Variants in GRM3 observed in about 807,000 individuals in gnomAD.
GRM3 encodes metabotropic glutamate receptor 3.
Under a neutral mutation model 70.5 loss-of-function variants are expected in GRM3, and 26 were observed. The ratio of observed to expected loss-of-function variants is 0.37; its 90% CI spans 0.27 to 0.51. The LOEUF (loss-of-function observed/expected upper bound fraction) is 0.51, where lower values mean the gene tolerates loss of function less well. Among genes scored for constraint, GRM3 ranks in the 20% least tolerant of loss-of-function variants. GRM3 has a pLI of 0.93. For missense variants in GRM3, 859 were observed against 1,123.8 expected (o/e 0.76, Z 3.37); for synonymous variants, 443 against 434.9 (o/e 1.02, Z -0.23).
At chr7:86,756,649 T>A (rs1260124264) in intron 1 of GRM3, among the ~76,000 whole-genome samples, 1 of 152,172 alleles carries the variant, frequency 6.6e-6, no homozygotes, top group East Asian at 1.9e-4. Flanking sequence ...TTACCTTTAC[T>A]TTAATCAATT....
chr7:86,838,610 C>T (rs1014385717), intron 3 of GRM3, among the ~76,000 whole-genome samples: 22 of 152,114 alleles, frequency 1.4e-4, no homozygotes, highest in African/African-American at 4.1e-4. Context: ...TGATTATCAC[C>T]GGTACTTGGC....
In GRM3 at chr7:86,734,402, G is replaced by T. The variant is rs1429903305; in HGVS notation, c.-140-30604G>T. ...AGTCCTGCTACTTATTAGCAATTCT[G>T]CCATTTGAAACTATAGGTTAAAATG... On this transcript the variant is annotated intron_variant, in intron 1 of 5. Transcript: ENST00000361669. 2.0e-5 allele frequency among the ~76,000 whole-genome samples: 3 copies of T among 152,114 alleles called. No homozygotes were observed. The East Asian group carries it at 5.8e-4, about 29-fold the overall frequency.
chr7:86,767,413 A>G (rs1235834988), intron 2 of GRM3, among the ~76,000 whole-genome samples: 4 of 150,898 alleles, frequency 2.7e-5, no homozygotes, highest in East Asian at 2.0e-4. Flanking sequence ...AATATTGCAC[A>G]TATGAAAGCA....
intron 1 of GRM3, among the ~76,000 whole-genome samples, chr7:86,709,458 C>A (rs1795142017): frequency 6.6e-6 from 1 of 152,092 alleles, no homozygotes; most frequent in African/African-American, 2.4e-5. Flanking sequence ...ATCTACCTAA[C>A]CAGGCTTCTC....
chr7:86,722,845 G>T (rs374423323), intron 1 of GRM3, among the ~76,000 whole-genome samples: 1 of 151,878 alleles, frequency 6.6e-6, no homozygotes, highest in Non-Finnish European at 1.5e-5. Flanking sequence ...CCATCTATTC[G>T]GTCCTTTATT....
At chr7:86,824,960 C>T (rs1798202009) in intron 3 of GRM3, among the ~76,000 whole-genome samples, 1 of 152,090 alleles carries the variant, frequency 6.6e-6, no homozygotes, top group Non-Finnish European at 1.5e-5. Flanking sequence ...TGATCAATTT[C>T]CAGGGAGATT....
intron 1 of GRM3, among the ~76,000 whole-genome samples, chr7:86,732,810 CAGA>C (rs1371740205): frequency 1.1e-4 from 17 of 152,126 alleles, no homozygotes; most frequent in African/African-American, 4.1e-4. Context: ...ATTTATTTCA[CAGA>C]AGAATAGAGA....
chr7:86,795,123 C>A lies in GRM3; in HGVS notation c.1324+8007C>A, dbSNP rs912049171. On this transcript the variant is annotated intron_variant, in intron 3 of 5. Coordinates refer to ENST00000361669, the MANE Select transcript of GRM3 (RefSeq NM_000840.3). ...TGTATGTTTTTTTTTTAAATTAAGGCAGTTTAATGTATTACTTTAACCAGC... is the reference window on the plus strand; with the variant it reads ...TGTATGTTTTTTTTTTAAATTAAGGAAGTTTAATGTATTACTTTAACCAGC... Among the ~76,000 whole-genome samples, 25 of 151,514 alleles carry A rather than the reference C, an allele frequency of 1.7e-4. 1 individual carries two copies. Among genetic ancestry groups the A allele is most frequent in the Admixed American group, 1.4e-3 (22 of 15,232 alleles).
intron 1 of GRM3, among the ~76,000 whole-genome samples, chr7:86,697,452 C>T (rs187158964): frequency 6.6e-6 from 1 of 152,180 alleles, no homozygotes; most frequent in African/African-American, 2.4e-5. Flanking sequence ...AGGGAGTGTT[C>T]AGACCTGGTT....
intron 1 of GRM3, among the ~76,000 whole-genome samples, chr7:86,664,877 G>A (rs1012297924): frequency 6.6e-6 from 1 of 152,022 alleles, no homozygotes; most frequent in African/African-American, 2.4e-5. Flanking sequence ...AAGGGGTAGT[G>A]ACAGCCTTAA....
At chr7:86,705,680 T>G (rs1210662484) in intron 1 of GRM3, among the ~76,000 whole-genome samples, 1 of 152,078 alleles carries the variant, frequency 6.6e-6, no homozygotes, top group Non-Finnish European at 1.5e-5. Flanking sequence ...AGCACTTTTT[T>G]GGATCAAATG....
intron 3 of GRM3, among the ~76,000 whole-genome samples, chr7:86,825,042 A>G (rs1247887097): frequency 6.6e-6 from 1 of 152,134 alleles, no homozygotes; most frequent in Non-Finnish European, 1.5e-5. Flanking sequence ...TTCAAAATAG[A>G]AATTATGGGA....
chr7:86,647,339 T>C (rs1793498109), intron 1 of GRM3, among the ~76,000 whole-genome samples: 1 of 152,228 alleles, frequency 6.6e-6, no homozygotes, highest in Non-Finnish European at 1.5e-5. Flanking sequence ...GGATACTAGC[T>C]ACCTCCTGCC....
intron 3 of GRM3, among the ~76,000 whole-genome samples, chr7:86,817,983 A>G (rs1798049907): frequency 6.6e-6 from 1 of 151,900 alleles, no homozygotes. Context: ...TATATACAAC[A>G]TACGCTGAGC....
chr7:86,645,899 G>C (rs1257795705), intron 1 of GRM3, among the ~76,000 whole-genome samples: 1 of 150,438 alleles, frequency 6.6e-6, no homozygotes, highest in Non-Finnish European at 1.5e-5. Flanking sequence ...TGTGAGTTAA[G>C]TACCAACAAT....
chr7:86,754,003 A>G (rs1355336257), intron 1 of GRM3, among the ~76,000 whole-genome samples: 3 of 152,150 alleles, frequency 2.0e-5, no homozygotes, highest in African/African-American at 7.2e-5. Flanking sequence ...ATGATTGTCC[A>G]CAGAATTTTC....
chr7:86,678,145 T>C (rs1329503133), intron 1 of GRM3, among the ~76,000 whole-genome samples: 1 of 151,996 alleles, frequency 6.6e-6, no homozygotes, highest in Non-Finnish European at 1.5e-5. Context: ...TATATTAGAC[T>C]ATGAATAGTT....
At chr7:86,755,116 C>T (rs575441441) in intron 1 of GRM3, among the ~76,000 whole-genome samples, 1 of 152,038 alleles carries the variant, frequency 6.6e-6, no homozygotes, top group East Asian at 1.9e-4. Flanking sequence ...TCATAAGCCA[C>T]CCATCAAGCC....
rs552553702 is a variant in GRM3, at chr7:86,839,141, G to A, written c.1627G>A (p.Glu543Lys). The change falls in exon 4 of 6, where the codon GAG (glutamate) becomes AAG (lysine). Residue 543 changes from glutamate (E) to lysine (K), a missense_variant. Coordinates refer to ENST00000361669, the MANE Select transcript of GRM3 (RefSeq NM_000840.3). This position sits in a 1 kb window ranked among gnomAD's most constrained non-coding sequence, Gnocchi z 4.5. ...PCEPYEYLAD[E>K]FTCMDCGSGQ... is the part of the protein sequence containing the mutation. ...TGAACCCTACGAATACCTGGCTGATGAGTTTACCTGTATGGATTGTGGGTC... is the reference window on the plus strand; with the variant it reads ...TGAACCCTACGAATACCTGGCTGATAAGTTTACCTGTATGGATTGTGGGTC... The A allele has an allele frequency of 6.2e-7, 1 of 1,614,144 alleles. No individual in the cohort carries two copies. The highest frequency in any genetic ancestry group is 1.3e-5 in the African/African-American group (1 of 75,034).
Sources: gnomAD v4.1 joint callset for allele counts (sites outside exome capture counted in the v4.1 genomes callset) on GRCh38, gnomAD v4.1.1 for gene constraint, Gnocchi (gnomAD v3.1) non-coding constraint, MANE v1.5 for transcripts, NCBI Gene and HGNC (gene_info 2026-07-23, HGNC 2026-07-21) for gene names.